Variants in USP35 observed in about 807,000 individuals in gnomAD.
The protein encoded by USP35 is ubiquitin specific peptidase 35, also known as ubiquitin carboxyl-terminal hydrolase 35.
USP35 carries 69 observed loss-of-function variants against 83.8 expected under a neutral mutation model. The ratio of observed to expected loss-of-function variants is 0.82; its 90% CI spans 0.68 to 1.01. The LOEUF is 1.01. Ranked by LOEUF, USP35 falls within the 50% of genes least tolerant of loss-of-function variation. The pLI is 0.00. For missense variants in USP35, 1,503 were observed against 1,362.5 expected, an observed-to-expected ratio of 1.10 and a Z score of -1.62; for synonymous variants, 714 against 589.5, an observed-to-expected ratio of 1.21 and a Z score of -3.06.
Position 78,210,531 on chromosome 11 carries a change from G to A in USP35, c.2676G>A (p.Leu892=). The A allele has an allele frequency of 6.2e-7, 1 of 1,613,608 alleles. No individual in the cohort carries two copies. Among genetic ancestry groups the A allele is most frequent in the African/African-American group, 1.3e-5 (1 of 75,060 alleles). ...DRPEPENQWY[L]FNDTRVSFSS... is the part of the protein sequence containing the mutation. ...CAGAGCCCGAGAACCAGTGGTACCT[G>A]TTCAATGACACTCGGGTGTCCTTCT... Residue 892 remains leucine, a synonymous_variant, in exon 10 of 11, where the codon CTG becomes CTA. Coordinates refer to ENST00000529308, the MANE Select transcript of USP35 (RefSeq NM_020798.4).
chr11:78,203,257 T>C (rs1226804456), intron 6 of USP35, among the ~76,000 whole-genome samples: 1 of 152,126 alleles, frequency 6.6e-6, no homozygotes, highest in African/African-American at 2.4e-5. Context: ...AGTTTGATCT[T>C]ACTGTACGGG....
chr11:78,194,669 G>T (rs1863090572), intron 1 of USP35, among the ~76,000 whole-genome samples: 1 of 152,188 alleles, frequency 6.6e-6, no homozygotes, highest in Non-Finnish European at 1.5e-5. Context: ...TCAGGAAACA[G>T]GCCAGGTGGA....
intron 3 of USP35, chr11:78,198,521 T>G: frequency 9.4e-6 from 7 of 741,980 alleles, no homozygotes; most frequent in Non-Finnish European, 1.2e-5. Flanking sequence ...CTCCTCCCTG[T>G]GATCTAGACG....
In USP35 at chr11:78,213,706, C is replaced by G; in HGVS notation, c.2950C>G (p.His984Asp). 6.5e-7 allele frequency: 1 copy of G among 1,531,888 alleles called. No homozygotes were observed. Among genetic ancestry groups the G allele is most frequent in the Non-Finnish European group, 8.7e-7 (1 of 1,149,724 alleles). The allele number at this position is 1,531,888 out of a possible 1,614,324, so 94.9% of individuals were successfully genotyped here. Reference protein sequence around the residue: ...AYISALPTSPHWGRGFDEDKD... With the variant: ...AYISALPTSPDWGRGFDEDKD... ...CATCTCTGCACTCCCCACATCTCCG[C>G]ACTGGGGGAGGGGCTTTGATGAAGA... The change falls in exon 11 of 11, where the codon CAC (histidine) becomes GAC (aspartate). Residue 984 changes from histidine to aspartate, a missense_variant. Transcript: ENST00000529308.
At chr11:78,235,452 G>A in the USP35 span, among the ~76,000 whole-genome samples, 2 of 152,088 alleles carry the variant, frequency 1.3e-5, no homozygotes, top group African/African-American at 4.8e-5. Flanking sequence ...GCGCCCGGCT[G>A]GGTGTTTCTT....
Position 78,214,092 on chromosome 11 carries a change from C to G in USP35, c.*279C>G. 5.8e-6 allele frequency: 2 copies of G among 346,646 alleles called. No individual in the cohort carries two copies. The highest frequency in any genetic ancestry group is 1.0e-5 in the Non-Finnish European group (2 of 192,664). 21.5% of individuals were successfully genotyped at this position (346,646 alleles called of 1,614,324 possible). On this transcript the variant is annotated 3_prime_UTR_variant, in exon 11 of 11. Transcript: ENST00000529308. ...ACGGGTCTTTGCCTCCCCCTCCTTC[C>G]CTAGCAGGCTCCCCATGCGGGAAGA...
the USP35 span, chr11:78,223,488 A>G: frequency 6.2e-7 from 1 of 1,608,754 alleles, no homozygotes; most frequent in African/African-American, 1.3e-5. Flanking sequence ...CTCGGTGCAC[A>G]GGAAGGGTTG....
chr11:78,197,975 A>G lies in USP35; in HGVS notation c.713A>G (p.Gln238Arg), dbSNP rs1863206892. The G allele has an allele frequency of 6.2e-7, 1 of 1,614,118 alleles. No individual in the cohort carries two copies. The change falls in exon 3 of 11, where the codon CAG becomes CGG. Residue 238 changes from glutamine to arginine, a missense_variant. Transcript: ENST00000529308. ...PPSSALASVV[Q>R]HLPLELMDGV... ...TCTAGCGCCCTGGCCAGCGTGGTCC[A>G]GCACCTCCCATTGGAGCTCATGGAT...
At chr11:78,223,047 A>T in the USP35 span, among the ~76,000 whole-genome samples, 1 of 152,212 alleles carries the variant, frequency 6.6e-6, no homozygotes, top group African/African-American at 2.4e-5. Context: ...GGCCAGACCC[A>T]CAGGGGGCTA....
the USP35 span, among the ~76,000 whole-genome samples, chr11:78,235,650 A>G: frequency 6.6e-6 from 1 of 152,206 alleles, no homozygotes; most frequent in African/African-American, 2.4e-5. Context: ...GGCAGGGGCA[A>G]AATGCCACCA....
At position 78,203,887 on chromosome 11, in the gene USP35, C is replaced by CTTTTTTTTTTT. The variant is rs200697593; in HGVS notation, c.1198-1951_1198-1950insTTTTTTTTTTT. Among the ~76,000 whole-genome samples the CTTTTTTTTTTT allele has an allele frequency of 1.8e-4, 23 of 124,410 alleles. 2 individuals are homozygous for CTTTTTTTTTTT. Among genetic ancestry groups the CTTTTTTTTTTT allele is most frequent in the South Asian group, 7.8e-4 (3 of 3,834 alleles). The allele number at this position is 124,410 out of a possible 152,430, so 81.6% of individuals were successfully genotyped here. On this transcript the variant is annotated intron_variant, in intron 6 of 10. Transcript: ENST00000529308. ...GCCACTGTACCCAGCCCATATTTTT[C>CTTTTTTTTTTT]TTTTCTTTTTTTTTTTTTTTTGAGA...
chr11:78,210,817 A>G, intron 10 of USP35, 73 bp downstream of exon 10: 1 of 1,424,842 alleles, frequency 7.0e-7, no homozygotes. Flanking sequence ...GGCTTAGATA[A>G]GTCATTTCCC....
the USP35 span, chr11:78,226,926 T>C: frequency 9.2e-4 from 1,483 of 1,613,880 alleles, no homozygotes; most frequent in Non-Finnish European, 1.1e-3. Context: ...GGGAAGGCTA[T>C]AGAAGCCATG....
In USP35 at chr11:78,200,727, G is replaced by C; in HGVS notation, c.1116G>C (p.Gln372His). ...DSNSGTSCLE[Q>H]LAELVHCMVF... ...ACTCGGGGACCAGCTGCCTGGAGCAGCTGGCGGAGCTGGTCCACTGCATGG... is the reference window on the plus strand; with the variant it reads ...ACTCGGGGACCAGCTGCCTGGAGCACCTGGCGGAGCTGGTCCACTGCATGG... Residue 372 changes from glutamine (Q) to histidine (H), a missense_variant, in exon 6 of 11, where the codon CAG (glutamine) becomes CAC (histidine). By Grantham distance (24) the Gln-to-His change is conservative. Coordinates refer to ENST00000529308, the MANE Select transcript of USP35 (RefSeq NM_020798.4). The C allele has an allele frequency of 6.2e-7, 1 of 1,614,216 alleles. No individual in the cohort carries two copies. Among genetic ancestry groups the C allele is most frequent in the Non-Finnish European group, 8.5e-7 (1 of 1,180,024 alleles).
the USP35 span, among the ~76,000 whole-genome samples, chr11:78,228,980 A>C: frequency 6.6e-6 from 1 of 152,058 alleles, no homozygotes; most frequent in African/African-American, 2.4e-5. Flanking sequence ...CTGATGTCCT[A>C]ATTTCCATCT....
Position 78,213,715 on chromosome 11 carries a change from A to C in USP35, c.2959A>C (p.Arg987=). 2 of 1,532,806 alleles carry C rather than the reference A, an allele frequency of 1.3e-6. No individual in the cohort carries two copies. Among genetic ancestry groups the C allele is most frequent in the Non-Finnish European group, 1.7e-6 (2 of 1,150,192 alleles). The allele number at this position is 1,532,806 out of a possible 1,614,324, so 95.0% of individuals were successfully genotyped here. The change falls in exon 11 of 11, where the codon AGG becomes CGG. Residue 987 remains arginine (R), a synonymous_variant. Transcript: ENST00000529308. ...SALPTSPHWG[R]GFDEDKDEDE... is the part of the protein sequence containing the mutation. Reference sequence around the variant, plus strand: ...ACTCCCCACATCTCCGCACTGGGGGAGGGGCTTTGATGAAGACAAGGATGA... The same window carrying C: ...ACTCCCCACATCTCCGCACTGGGGGCGGGGCTTTGATGAAGACAAGGATGA...
rs1864051161 is a variant in USP35, at chr11:78,215,089, C to G, written c.*1276C>G. On this transcript the variant is annotated 3_prime_UTR_variant, in exon 11 of 11. Coordinates refer to ENST00000529308, the MANE Select transcript of USP35 (RefSeq NM_020798.4). ...GCAGACAGACACGCCCAGAACCCAT[C>G]TCTAGACGCCTAAGAAAGCTGGATG... is the stretch of plus-strand genomic sequence containing the variant. Among the ~76,000 whole-genome samples, 2 of 152,186 alleles carry G rather than the reference C, an allele frequency of 1.3e-5. No individual in the cohort carries two copies. Among genetic ancestry groups the G allele is most frequent in the African/African-American group, 4.8e-5 (2 of 41,428 alleles).
chr11:78,227,963 A>G, the USP35 span, among the ~76,000 whole-genome samples: 2 of 152,222 alleles, frequency 1.3e-5, no homozygotes, highest in Non-Finnish European at 1.5e-5. Context: ...CTGTTTGGGA[A>G]CTATATATAG....
At chr11:78,231,336 G>GTGTGTGTGTGTGTGTGTGTGTGT in the USP35 span, among the ~76,000 whole-genome samples, 1 of 145,794 alleles carries the variant, frequency 6.9e-6, no homozygotes, top group African/African-American at 2.6e-5. Flanking sequence ...GCGCGTGTGT[G>GTGTGTGTGTGTGTGTGTGTGTGT]GTGTGTGTGT....
Sources: allele counts gnomAD v4.1 joint callset (sites outside exome capture counted in the v4.1 genomes callset), GRCh38; gene constraint gnomAD v4.1.1; transcripts MANE v1.5; gene names NCBI Gene and HGNC (gene_info 2026-07-23, HGNC 2026-07-21).